Variants in C2CD3 observed in about 807,000 individuals in gnomAD.
C2CD3 encodes the protein C2 domain containing 3 centriole elongation regulator, also known as C2 domain-containing protein 3.
A neutral mutation model predicts 234.0 loss-of-function variants in C2CD3; 148 were observed. The ratio of observed to expected loss-of-function variants is 0.63; its 90% CI spans 0.55 to 0.72. The LOEUF (loss-of-function observed/expected upper bound fraction) is 0.72, where lower values mean the gene tolerates loss of function less well. C2CD3 is among the 30% of genes least tolerant of loss of function. The pLI is 0.00. For missense variants in C2CD3, 2,577 were observed against 2,811.5 expected (o/e 0.92, Z 1.89); for synonymous variants, 1,000 against 1,035.4 (o/e 0.97, Z 0.66).
chr11:74,127,368 T>C (rs749403318), intron 7 of C2CD3, among the ~76,000 whole-genome samples: 5 of 152,232 alleles, frequency 3.3e-5, no homozygotes, highest in Non-Finnish European at 7.3e-5. Flanking sequence ...GTACTTCACC[T>C]TGATGGCCAA....
chr11:74,061,291 C>T (rs1008648067), intron 24 of C2CD3, among the ~76,000 whole-genome samples: 1 of 152,156 alleles, frequency 6.6e-6, no homozygotes. Context: ...CAAAGATACT[C>T]CTCGAGAAGA....
At chr11:74,161,147 G>A (rs1402042194) in intron 3 of C2CD3, among the ~76,000 whole-genome samples, 1 of 152,150 alleles carries the variant, frequency 6.6e-6, no homozygotes, top group Non-Finnish European at 1.5e-5. Flanking sequence ...ATGTAAAAAA[G>A]AGTACAAGAA....
At chr11:74,116,793 C>A (rs1956942798) in intron 9 of C2CD3, among the ~76,000 whole-genome samples, 1 of 143,658 alleles carries the variant, frequency 7.0e-6, no homozygotes, top group African/African-American at 2.6e-5. Context: ...TATATATACA[C>A]ACACACACGT....
At chr11:74,016,976 A>C (rs1006115419) in intron 32 of C2CD3, among the ~76,000 whole-genome samples, 2 of 152,162 alleles carry the variant, frequency 1.3e-5, no homozygotes, top group Non-Finnish European at 2.9e-5. Flanking sequence ...TGGAGCGGGA[A>C]CTTAAACATG....
At chr11:74,036,484 T>C (rs1004352793) in intron 30 of C2CD3, 2 of 455,944 alleles carry the variant, frequency 4.4e-6, no homozygotes, top group African/African-American at 2.0e-5. Context: ...AGGTTAGGTA[T>C]CTGGAAGAAG....
At chr11:74,170,671 C>T in intron 1 of C2CD3, 67 bp downstream of exon 1, 2 of 1,559,870 alleles carry the variant, frequency 1.3e-6, no homozygotes, top group Non-Finnish European at 1.8e-6. Flanking sequence ...GGGTGCGGGT[C>T]TCCCTAAAAT....
chr11:74,084,774 T>C lies in C2CD3; in HGVS notation c.4000+107A>G, dbSNP rs185090643. On this transcript the variant is annotated intron_variant, in intron 22 of 32. Transcript: ENST00000334126. ...GAGTTCAGAAGCATGTGTTAAGGGG[T>C]TGTGTTTTCTTTTGAATATCTTACA... 1,677 of 702,622 alleles carry C rather than the reference T, an allele frequency of 2.4e-3. 3 individuals carry two copies. The highest frequency in any genetic ancestry group is 4.6e-3 in the Middle Eastern group (19 of 4,110). The allele number at this position is 702,622 out of a possible 1,614,324, so 43.5% of individuals were successfully genotyped here. A position where few individuals can be genotyped will look rare whatever the true frequency, so the allele number is the denominator to read the frequency against.
At chr11:74,075,101 A>G (rs1227022971) in intron 23 of C2CD3, among the ~76,000 whole-genome samples, 1 of 152,098 alleles carries the variant, frequency 6.6e-6, no homozygotes. Context: ...AAAACAAAAT[A>G]AAACAAACAA....
At position 74,109,059 on chromosome 11, in the gene C2CD3, T is replaced by C. The variant is rs1179357766; in HGVS notation, c.1937A>G (p.Tyr646Cys). The C allele has an allele frequency of 4.4e-6, 7 of 1,603,016 alleles. No homozygotes were observed. The African/African-American group carries it at 5.4e-5, about 12-fold the overall frequency. Reference protein sequence around the residue: ...WWNSNLTFQIYVKKTPQKKPE... With the variant: ...WWNSNLTFQICVKKTPQKKPE... Reference sequence around the variant, plus strand: ...CTTTTTCTGTGGAGTTTTCTTTACATAAATTTGGAAAGTGAGGTTGGAATT... The same window carrying C: ...CTTTTTCTGTGGAGTTTTCTTTACACAAATTTGGAAAGTGAGGTTGGAATT... The change falls in exon 12 of 33, where the codon TAT becomes TGT. Residue 646 changes from tyrosine (Y) to cysteine (C), a missense_variant. Tyr to Cys is a radical substitution (Grantham distance 194). Coordinates refer to ENST00000334126, the MANE Select transcript of C2CD3 (RefSeq NM_001286577.2).
chr11:74,036,280 T>C, intron 30 of C2CD3: 1 of 337,404 alleles, frequency 3.0e-6, no homozygotes, highest in South Asian at 2.4e-5. Flanking sequence ...TGTGAGAGGA[T>C]TTTTCTTTGG....
chr11:74,028,785 C>T (rs1173788564), intron 31 of C2CD3, among the ~76,000 whole-genome samples: 5 of 152,248 alleles, frequency 3.3e-5, no homozygotes, highest in Non-Finnish European at 7.3e-5. Context: ...GTTACCTCTA[C>T]TTCCTGAAAG....
chr11:74,019,548 G>A (rs1952005399), intron 32 of C2CD3, among the ~76,000 whole-genome samples: 1 of 152,212 alleles, frequency 6.6e-6, no homozygotes, highest in Admixed American at 6.5e-5. Context: ...AGGCTGAGAA[G>A]AAACCCAGGA....
chr11:74,113,743 G>T, intron 11 of C2CD3, 37 bp downstream of exon 11: 3 of 1,116,602 alleles, frequency 2.7e-6, no homozygotes, highest in Non-Finnish European at 4.1e-6. Flanking sequence ...TCCAAAGTCA[G>T]AATGTCTAAG....
At chr11:74,047,872 C>T (rs1056323469) in intron 28 of C2CD3, among the ~76,000 whole-genome samples, 2 of 152,192 alleles carry the variant, frequency 1.3e-5, no homozygotes, top group African/African-American at 2.4e-5. Flanking sequence ...GTAAAATAAA[C>T]TGGCACATAG....
rs370274241 is a variant in C2CD3 at position 74,084,911 on chromosome 11, G to C, written c.3970C>G (p.Pro1324Ala). ...KEYLLGVVKVPTKELLIKRSG... is the reference protein window; with the variant it reads ...KEYLLGVVKVATKELLIKRSG... Reference sequence around the variant, plus strand: ...CTCTTGATCAGCAGCTCTTTTGTTGGAACTTTTACTACTCCAAGCAGATAC... The same window carrying C: ...CTCTTGATCAGCAGCTCTTTTGTTGCAACTTTTACTACTCCAAGCAGATAC... The change falls in exon 22 of 33, where the codon CCA (proline) becomes GCA (alanine). Residue 1324 changes from proline (P) to alanine (A), a missense_variant. Pro to Ala is a conservative substitution (Grantham distance 27). Coordinates refer to ENST00000334126, the MANE Select transcript of C2CD3 (RefSeq NM_001286577.2). The C allele has an allele frequency of 9.9e-6, 16 of 1,611,616 alleles. No individual in the cohort carries two copies. In the African/African-American group the frequency reaches 1.2e-4, roughly 12 times the overall value.
At chr11:74,161,035 T>C (rs1856422335) in intron 3 of C2CD3, among the ~76,000 whole-genome samples, 1 of 152,192 alleles carries the variant, frequency 6.6e-6, no homozygotes, top group South Asian at 2.1e-4. Context: ...TCAGGGAATC[T>C]AGAAACTAAA....
chr11:74,085,392 G>C (rs140656427), intron 21 of C2CD3: 1 of 526,132 alleles, frequency 1.9e-6, no homozygotes, highest in East Asian at 3.0e-5. Context: ...CCTTCATCTC[G>C]ATACACCCAT....
chr11:74,022,031 CAGG>C (rs1952108580), intron 32 of C2CD3, among the ~76,000 whole-genome samples: 1 of 151,988 alleles, frequency 6.6e-6, no homozygotes. Flanking sequence ...GAGGCTGAGG[CAGG>C]AGAATTGCTT....
intron 5 of C2CD3, among the ~76,000 whole-genome samples, chr11:74,138,278 T>G (rs1255137379): frequency 6.6e-6 from 1 of 152,196 alleles, no homozygotes; most frequent in Non-Finnish European, 1.5e-5. Flanking sequence ...TTCCCAGGAT[T>G]AAGATCAGCA....
Sources: allele counts gnomAD v4.1 joint callset (sites outside exome capture counted in the v4.1 genomes callset), GRCh38; gene constraint gnomAD v4.1.1; transcripts MANE v1.5; gene names NCBI Gene and HGNC (gene_info 2026-07-23, HGNC 2026-07-21).